GEMIN7: variants seen among roughly 807,000 people sequenced by gnomAD.
GEMIN7 encodes gem-associated protein 7.
In GEMIN7, 7 loss-of-function variants were observed where a neutral mutation model predicts 7.8. The observed-to-expected ratio is 0.90, with a 90% CI of 0.51 to 1.69. GEMIN7 has a LOEUF of 1.69. Among genes scored for constraint, GEMIN7 ranks in the 40% most tolerant of loss-of-function variants. The pLI is 0.00. For missense variants in GEMIN7, 159 were observed against 176.2 expected (o/e 0.90, Z 0.55); for synonymous variants, 68 against 72.4 (o/e 0.94, Z 0.31).
upstream of GEMIN7, chr19:45,076,229 C>T (rs1198364353): frequency 9.3e-6 from 14 of 1,509,414 alleles, no homozygotes; most frequent in Non-Finnish European, 1.1e-5. The surrounding 1 kb of genome is among the most constrained non-coding windows in gnomAD (Gnocchi z 4.9). Flanking sequence ...GAGAAGGGCC[C>T]CAGCCTTGGG....
At chr19:45,077,083 TG>T (rs1967369851), upstream of GEMIN7, among the ~76,000 whole-genome samples, 1 of 151,996 alleles carries the variant, frequency 6.6e-6, no homozygotes, top group African/African-American at 2.4e-5. Flanking sequence ...GGAAAGGGCA[TG>T]GTGGAGCTGA....
Position 45,090,314 on chromosome 19 carries a change from TC to T in GEMIN7, c.202del (p.Arg68AlafsTer11). On this transcript the variant is annotated frameshift_variant, in exon 3 of 3. Transcript: ENST00000270257. LOFTEE classifies it high-confidence loss of function. ...CGAGCCGCCCTTCGGGAGCGTTACC[TC>T]CGCAGCCTGCTGGCCATGGTGGGTC... The part of the protein sequence containing the change: ...RARAALRERY[L>X]RSLLAMVGHQ... The T allele has an allele frequency of 6.2e-7, 1 of 1,614,120 alleles. No homozygotes were observed. Among genetic ancestry groups the T allele is most frequent in the African/African-American group, 1.3e-5 (1 of 75,034 alleles).
At chr19:45,086,993 C>T (rs1157039682) in intron 2 of GEMIN7, among the ~76,000 whole-genome samples, 5 of 151,686 alleles carry the variant, frequency 3.3e-5, no homozygotes, top group Non-Finnish European at 4.4e-5. Flanking sequence ...ATTACAGGCA[C>T]GTGCCACCAT....
chr19:45,084,710 C>T (rs181014178), intron 2 of GEMIN7, among the ~76,000 whole-genome samples: 47 of 152,218 alleles, frequency 3.1e-4, no homozygotes, highest in African/African-American at 9.9e-4. Flanking sequence ...CCTGAGTAGG[C>T]GGGATTACAG....
At chr19:45,083,624 A>T (rs1457028461) in intron 2 of GEMIN7, among the ~76,000 whole-genome samples, 4 of 118,652 alleles carry the variant, frequency 3.4e-5, no homozygotes, top group Non-Finnish European at 3.3e-5. Context: ...TTTGTTTGAG[A>T]CAGGGTCTCA....
intron 2 of GEMIN7, among the ~76,000 whole-genome samples, chr19:45,087,593 G>A (rs1002190181): frequency 1.3e-5 from 2 of 152,172 alleles, no homozygotes; most frequent in African/African-American, 4.8e-5. Context: ...AGCCCAAGAA[G>A]GGATTGCCAG....
intron 2 of GEMIN7, among the ~76,000 whole-genome samples, chr19:45,087,609 G>A (rs1450286389): frequency 1.3e-5 from 2 of 152,168 alleles, no homozygotes; most frequent in Admixed American, 6.5e-5. Context: ...GCCAGGCATC[G>A]CGCCTGAGGA....
chr19:45,088,420 G>A (rs7245545), intron 2 of GEMIN7: 82,398 of 151,954 alleles, frequency 0.54, 22,867 homozygotes, highest in African/African-American at 0.62. Flanking sequence ...ACCTTCCAGG[G>A]CTCCAGTGAT....
At chr19:45,087,948 T>G (rs1016941611) in intron 2 of GEMIN7, among the ~76,000 whole-genome samples, 2 of 85,072 alleles carry the variant, frequency 2.4e-5, no homozygotes, top group African/African-American at 1.1e-4. Context: ...TATAATTTTT[T>G]TTTTTTTTTT....
chr19:45,085,016 G>A (rs954273863), intron 2 of GEMIN7, among the ~76,000 whole-genome samples: 4 of 152,140 alleles, frequency 2.6e-5, no homozygotes, highest in Non-Finnish European at 4.4e-5. Context: ...CAGGTGATCC[G>A]CCCACCTCGG....
chr19:45,076,154 G>A (rs200474601), upstream of GEMIN7: 11 of 1,545,870 alleles, frequency 7.1e-6, no homozygotes, highest in African/African-American at 1.4e-4. This position sits in a 1 kb window ranked among gnomAD's most constrained non-coding sequence, Gnocchi z 4.9. Flanking sequence ...GCCCCGGCGG[G>A]CATGGGGCCA....
rs1967871879 is a variant in GEMIN7, at chr19:45,090,801, G to A, written c.*291G>A. On this transcript the variant is annotated 3_prime_UTR_variant, in exon 3 of 3. Coordinates refer to ENST00000270257, the MANE Select transcript of GEMIN7 (RefSeq NM_024707.3). ...CTGAAGACCGGGGCATCGGGGTGGG[G>A]TGATAAAGGATACAACCTGCACAGG... 11 of 379,008 alleles carry A rather than the reference G, an allele frequency of 2.9e-5. No individual in the cohort carries two copies. The highest frequency in any genetic ancestry group is 2.0e-5 in the Non-Finnish European group (4 of 197,396). 23.5% of individuals were successfully genotyped at this position (379,008 alleles called of 1,614,324 possible).
At chr19:45,078,738 T>A (rs1359976045), upstream of GEMIN7, among the ~76,000 whole-genome samples, 1 of 152,182 alleles carries the variant, frequency 6.6e-6, no homozygotes, top group African/African-American at 2.4e-5. Flanking sequence ...TGACTGGGCC[T>A]GGAATAGGGA....
intron 2 of GEMIN7, among the ~76,000 whole-genome samples, chr19:45,089,066 C>T (rs1967802708): frequency 1.3e-5 from 2 of 151,780 alleles, no homozygotes; most frequent in African/African-American, 2.4e-5. Flanking sequence ...CTTAACCTCC[C>T]GAGTAGCTGG....
chr19:45,091,363 G>C lies in GEMIN7; in HGVS notation c.*853G>C, dbSNP rs781017438. 2.4e-5 allele frequency: 4 copies of C among 167,162 alleles called. No homozygotes were observed. Among genetic ancestry groups the C allele is most frequent in the Non-Finnish European group, 4.4e-5 (3 of 68,146 alleles). The allele number at this position is 167,162 out of a possible 1,614,324, so 10.4% of individuals were successfully genotyped here. A position where few individuals can be genotyped will look rare whatever the true frequency, so the allele number is the denominator to read the frequency against. ...TTCTCTCCAGCCTTGCAGCGTGGCC[G>C]TTCACATCACGCGCTTCACTAAGCC... On this transcript the variant is annotated 3_prime_UTR_variant, in exon 3 of 3. Transcript: ENST00000270257.
At chr19:45,087,606 A>G (rs1967739009) in intron 2 of GEMIN7, among the ~76,000 whole-genome samples, 1 of 152,186 alleles carries the variant, frequency 6.6e-6, no homozygotes, top group Non-Finnish European at 1.5e-5. Flanking sequence ...ATTGCCAGGC[A>G]TCGCGCCTGA....
At chr19:45,076,449 C>T, upstream of GEMIN7, 1 of 1,104,006 alleles carries the variant, frequency 9.1e-7, no homozygotes, top group Middle Eastern at 3.2e-4. The surrounding 1 kb of genome is among the most constrained non-coding windows in gnomAD (Gnocchi z 4.9). Context: ...GCGGAGGACG[C>T]GCGGACCGTG....
upstream of GEMIN7, chr19:45,076,146 C>G: frequency 6.5e-7 from 1 of 1,549,086 alleles, no homozygotes; most frequent in South Asian, 1.2e-5. The surrounding 1 kb of genome is among the most constrained non-coding windows in gnomAD (Gnocchi z 4.9). Context: ...GGAGGGCGGC[C>G]CCGGCGGGCA....
At chr19:45,078,778 T>C (rs1432277686), upstream of GEMIN7, among the ~76,000 whole-genome samples, 5 of 152,142 alleles carry the variant, frequency 3.3e-5, no homozygotes, top group African/African-American at 1.2e-4. Context: ...AGGCCTCAGT[T>C]TCCCCCTTTG....
Sources: allele counts gnomAD v4.1 joint callset (sites outside exome capture counted in the v4.1 genomes callset), GRCh38; gene constraint gnomAD v4.1.1; non-coding constraint Gnocchi (gnomAD v3.1); transcripts MANE v1.5; gene names NCBI Gene and HGNC (gene_info 2026-07-23, HGNC 2026-07-21).